The following EPHA6 variants were observed in gnomAD, a reference collection of about 807,000 sequenced individuals.
EPHA6 encodes the protein EPH receptor A6.
In EPHA6, 50 loss-of-function variants were observed where a neutral mutation model predicts 112.0. The observed-to-expected ratio is 0.45, with a 90% CI of 0.36 to 0.56. The LOEUF (loss-of-function observed/expected upper bound fraction) is 0.56. EPHA6 is among the 20% of genes least tolerant of loss of function. The pLI is 0.00. For synonymous variants in EPHA6, 529 were observed against 490.7 expected, an observed-to-expected ratio of 1.08 and a Z score of -1.03; for missense variants, 1,280 against 1,417.4, an observed-to-expected ratio of 0.90 and a Z score of 1.56.
At chr3:96,836,551 C>T (rs1418025187) in intron 1 of EPHA6, among the ~76,000 whole-genome samples, 1 of 152,162 alleles carries the variant, frequency 6.6e-6, no homozygotes, top group African/African-American at 2.4e-5. Flanking sequence ...ATGCTGACAT[C>T]TGTAAACATT....
At chr3:96,870,438 T>C (rs1164146359) in intron 2 of EPHA6, among the ~76,000 whole-genome samples, 2 of 152,054 alleles carry the variant, frequency 1.3e-5, no homozygotes, top group Admixed American at 6.6e-5. Flanking sequence ...CTTCAGTGGA[T>C]TGGATGAGGT....
intron 5 of EPHA6, among the ~76,000 whole-genome samples, chr3:97,297,984 G>A (rs756459483): frequency 1.1e-4 from 17 of 152,122 alleles, no homozygotes; most frequent in South Asian, 2.1e-4. Context: ...GAATGGTCTC[G>A]ATCTCTTGAC....
Position 97,638,013 on chromosome 3 carries a change from A to T in EPHA6, c.2715A>T (p.Val905=). The T allele has an allele frequency of 1.2e-6, 2 of 1,613,938 alleles. No homozygotes were observed. The highest frequency in any genetic ancestry group is 1.7e-6 in the Non-Finnish European group (2 of 1,179,850). Residue 905 remains valine (V), a synonymous_variant, in exon 14 of 18, where the codon GTA becomes GTT. Transcript: ENST00000389672. ...ATATACTGGTCAATAGCAACTTAGTATGCAAAGTTTCTGATTTTGGTCTCT... is the reference window on the plus strand; with the variant it reads ...ATATACTGGTCAATAGCAACTTAGTTTGCAAAGTTTCTGATTTTGGTCTCT... ...ARNILVNSNL[V]CKVSDFGLSR... is the part of the protein sequence containing the mutation.
chr3:97,282,121 T>A (rs1418511718), intron 5 of EPHA6, among the ~76,000 whole-genome samples: 2 of 152,218 alleles, frequency 1.3e-5, no homozygotes, highest in East Asian at 3.8e-4. Flanking sequence ...TTCCTTATAA[T>A]ATTTACAGTG....
intron 3 of EPHA6, among the ~76,000 whole-genome samples, chr3:97,023,182 A>G (rs1039446136): frequency 1.3e-5 from 2 of 152,046 alleles, no homozygotes; most frequent in Non-Finnish European, 2.9e-5. Context: ...GTTTTCAAGC[A>G]ATTCTCCTGC....
intron 5 of EPHA6, among the ~76,000 whole-genome samples, chr3:97,360,021 T>C (rs1397722034): frequency 6.6e-6 from 1 of 152,160 alleles, no homozygotes; most frequent in East Asian, 1.9e-4. Context: ...CTGAAAGTCA[T>C]CTTAGCCGAG....
At chr3:97,715,197 T>C (rs533783535) in intron 14 of EPHA6, among the ~76,000 whole-genome samples, 14 of 152,330 alleles carry the variant, frequency 9.2e-5, no homozygotes, top group Non-Finnish European at 1.9e-4. Flanking sequence ...CCTATCTCTT[T>C]ACAATTTAAT....
At chr3:96,979,551 T>G (rs1461990220) in intron 2 of EPHA6, among the ~76,000 whole-genome samples, 1 of 152,210 alleles carries the variant, frequency 6.6e-6, no homozygotes, top group Non-Finnish European at 1.5e-5. Context: ...TTTATAATCC[T>G]TTGGGTATAT....
At chr3:97,014,076 G>A (rs978105051) in intron 3 of EPHA6, among the ~76,000 whole-genome samples, 1 of 151,826 alleles carries the variant, frequency 6.6e-6, no homozygotes, top group Non-Finnish European at 1.5e-5. Context: ...TTCTTATACT[G>A]TGTACTTGAT....
intron 6 of EPHA6, among the ~76,000 whole-genome samples, chr3:97,408,949 G>A (rs2087536842): frequency 6.6e-6 from 1 of 152,066 alleles, no homozygotes; most frequent in African/African-American, 2.4e-5. Flanking sequence ...ATGAGTCCCT[G>A]AAGAAAAGAA....
intron 15 of EPHA6, among the ~76,000 whole-genome samples, chr3:97,725,850 G>A (rs772859207): frequency 6.6e-6 from 1 of 151,940 alleles, no homozygotes; most frequent in Admixed American, 6.6e-5. Flanking sequence ...AAGAGCCACC[G>A]CTTTCTAGCT....
chr3:97,008,436 C>T (rs2043964963), intron 3 of EPHA6, among the ~76,000 whole-genome samples: 2 of 152,220 alleles, frequency 1.3e-5, no homozygotes, highest in Non-Finnish European at 2.9e-5. Flanking sequence ...AGTTCTTGTG[C>T]TGTGTTTTTC....
At chr3:97,208,150 C>T (rs1419150026) in intron 3 of EPHA6, among the ~76,000 whole-genome samples, 1 of 152,090 alleles carries the variant, frequency 6.6e-6, no homozygotes, top group East Asian at 1.9e-4. Flanking sequence ...TGAATGTGCC[C>T]TTGTAATCCA....
intron 5 of EPHA6, among the ~76,000 whole-genome samples, chr3:97,277,895 G>A (rs917976331): frequency 3.3e-5 from 5 of 152,258 alleles, no homozygotes; most frequent in Middle Eastern, 3.4e-3. Flanking sequence ...ACTGTACGCT[G>A]AGGCTACACT....
chr3:97,208,418 A>G (rs2077771166), intron 3 of EPHA6, among the ~76,000 whole-genome samples: 1 of 152,170 alleles, frequency 6.6e-6, no homozygotes, highest in Non-Finnish European at 1.5e-5. Flanking sequence ...AAATATCATT[A>G]TGAAGTTCAG....
intron 10 of EPHA6, among the ~76,000 whole-genome samples, chr3:97,498,540 A>G (rs2092039027): frequency 6.6e-6 from 1 of 152,142 alleles, no homozygotes; most frequent in African/African-American, 2.4e-5. Flanking sequence ...TAAATTTGAA[A>G]GTACAATTAG....
chr3:96,919,829 C>A (rs1172905373), intron 2 of EPHA6, among the ~76,000 whole-genome samples: 1 of 151,690 alleles, frequency 6.6e-6, no homozygotes, highest in Non-Finnish European at 1.5e-5. Flanking sequence ...TGTTATTTAA[C>A]TTTACAGGAG....
chr3:97,550,408 A>G (rs760145471), intron 11 of EPHA6, among the ~76,000 whole-genome samples: 2 of 152,216 alleles, frequency 1.3e-5, no homozygotes. Context: ...TAATGCTCCC[A>G]CACATCCTTT....
chr3:97,541,392 A>C (rs1430587672), intron 11 of EPHA6, among the ~76,000 whole-genome samples: 3 of 152,226 alleles, frequency 2.0e-5, no homozygotes, highest in Non-Finnish European at 4.4e-5. Flanking sequence ...AAAACCAAAA[A>C]ATAAATATTA....
Sources: allele counts gnomAD v4.1 joint callset (sites outside exome capture counted in the v4.1 genomes callset), GRCh38; gene constraint gnomAD v4.1.1; transcripts MANE v1.5; gene names NCBI Gene and HGNC (gene_info 2026-07-23, HGNC 2026-07-21).